The following MTO1 variants were observed in gnomAD, a reference collection of about 807,000 sequenced individuals.
The protein encoded by MTO1 is 5-taurinomethyluridine-[tRNA] synthase subunit MTO1, mitochondrial.
A neutral mutation model predicts 71.6 loss-of-function variants in MTO1; 46 were observed. The ratio of observed to expected loss-of-function variants is 0.64; its 90% CI spans 0.51 to 0.82. The LOEUF (loss-of-function observed/expected upper bound fraction) is 0.82. Among genes scored for constraint, MTO1 ranks in the 40% least tolerant of loss-of-function variants. MTO1 has a pLI of 0.00. For missense variants in MTO1, 773 were observed against 867.5 expected (o/e 0.89, Z 1.37); for synonymous variants, 297 against 312.1 (o/e 0.95, Z 0.51).
Position 73,502,382 on chromosome 6 carries a change from T to G in MTO1, c.*1647T>G, listed in dbSNP as rs1400052293. 1 of 151,996 alleles carries G rather than the reference T, an allele frequency of 6.6e-6. No individual in the cohort carries two copies. The highest frequency in any genetic ancestry group is 1.5e-5 in the Non-Finnish European group (1 of 68,032). 9.4% of individuals were successfully genotyped at this position (151,996 alleles called of 1,614,324 possible). ...TCGCTTGAACCCAGGAGGCAGAGGT[T>G]GCAGTGAGCTGAGATTGTGCCACTG... On this transcript the variant is annotated 3_prime_UTR_variant, in exon 12 of 12. Transcript: ENST00000498286.
rs1017903553 is a variant in MTO1 at position 73,508,605 on chromosome 6, G to A, written c.*7870G>A. 1 of 152,186 alleles carries A rather than the reference G, an allele frequency of 6.6e-6. No individual in the cohort carries two copies. Among genetic ancestry groups the A allele is most frequent in the African/African-American group, 2.4e-5 (1 of 41,448 alleles). 9.4% of individuals were successfully genotyped at this position (152,186 alleles called of 1,614,324 possible). A position where few individuals can be genotyped will look rare whatever the true frequency, so the allele number is the denominator to read the frequency against. On this transcript the variant is annotated 3_prime_UTR_variant, in exon 12 of 12. Coordinates refer to ENST00000498286, the MANE Select transcript of MTO1 (RefSeq NM_012123.4). ...GGAGGGCAGTTTAACTGAAAATTCA[G>A]AGGTATTATAGCTCTGAAGAAAAAT...
At chr6:73,481,920 CCTTAGGGGCAATA>C (rs1325763496) in intron 7 of MTO1, 107 bp from the exon 8 acceptor site, 1 of 994,266 alleles carries the variant, frequency 1.0e-6, no homozygotes, top group African/African-American at 1.6e-5. Context: ...CTATTATATC[CCTTAGGGGCAATA>C]CTTGCTTTCT....
chr6:73,467,614 AAAATAAAT>A (rs70996806), intron 3 of MTO1, among the ~76,000 whole-genome samples: 5 of 143,494 alleles, frequency 3.5e-5, no homozygotes, highest in East Asian at 4.1e-4. Context: ...ACTCTGTCTC[AAAATAAAT>A]AAATAAATAA....
At position 73,500,699 on chromosome 6, in the gene MTO1, A is replaced by C; in HGVS notation, c.2043A>C (p.Leu681Phe). ...MNESSKTDQY[L>F]CDADRLQERE... ...AATCATCCAAGACTGATCAATACTT[A>C]TGTGATGCAGACAGACTTCAAGAGA... is the stretch of plus-strand genomic sequence containing the variant. Residue 681 changes from leucine to phenylalanine, a missense_variant, in exon 12 of 12, where the codon TTA becomes TTC. By Grantham distance (22) the Leu-to-Phe change is conservative. Coordinates refer to ENST00000498286, the MANE Select transcript of MTO1 (RefSeq NM_012123.4). The C allele has an allele frequency of 1.2e-6, 2 of 1,607,248 alleles. No homozygotes were observed. Among genetic ancestry groups the C allele is most frequent in the Non-Finnish European group, 8.5e-7 (1 of 1,176,990 alleles).
At position 73,482,620 on chromosome 6, in the gene MTO1, G is replaced by C. The variant is rs181219800; in HGVS notation, c.1637G>C (p.Arg546Thr). 8.9e-5 allele frequency: 142 copies of C among 1,588,470 alleles called. 1 individual carries two copies. In the East Asian group the frequency reaches 3.1e-3, roughly 34 times the overall value. The change falls in exon 9 of 12, where the codon AGA becomes ACA. Residue 546 changes from arginine to threonine, a missense_variant and splice_region_variant. By Grantham distance (71) the Arg-to-Thr change is moderately conservative. Transcript: ENST00000498286. ...SISTSRSLPV[R>T]ALDVLKYEEV... Reference sequence around the variant, plus strand: ...AGTACTAGTAGAAGTCTGCCTGTCAGGTATGCATTTTTAATATAGACCTTT... The same window carrying C: ...AGTACTAGTAGAAGTCTGCCTGTCACGTATGCATTTTTAATATAGACCTTT...
chr6:73,476,790 ATT>A (rs879559677), intron 4 of MTO1, among the ~76,000 whole-genome samples: 10 of 142,872 alleles, frequency 7.0e-5, no homozygotes, highest in Admixed American at 7.1e-5. Flanking sequence ...TAAAATTTAA[ATT>A]TTTTTTTTTT....
intron 9 of MTO1, among the ~76,000 whole-genome samples, chr6:73,488,465 C>T (rs1771716061): frequency 1.3e-5 from 2 of 152,114 alleles, no homozygotes; most frequent in Non-Finnish European, 2.9e-5. Context: ...AGTCACCATG[C>T]CTCGCCAGAT....
intron 9 of MTO1, chr6:73,487,604 G>C (rs543981935): frequency 7.2e-6 from 1 of 138,858 alleles, no homozygotes; most frequent in Non-Finnish European, 1.5e-5. Context: ...ACAGGATCTC[G>C]CTATGTTTCC....
chr6:73,494,479 CT>C (rs757447983), intron 10 of MTO1, among the ~76,000 whole-genome samples: 24,462 of 135,892 alleles, frequency 0.18, 1,650 homozygotes, highest in Middle Eastern at 0.21. Flanking sequence ...CTTTTTTTTT[CT>C]TTTTTTTTTT....
At chr6:73,497,157 C>CTTTTTTTTTTTTTTTTTTTT (rs765385743) in intron 10 of MTO1, among the ~76,000 whole-genome samples, 1 of 92,718 alleles carries the variant, frequency 1.1e-5, no homozygotes, top group Non-Finnish European at 2.0e-5. Flanking sequence ...GAAGCAAATT[C>CTTTTTTTTTTTTTTTTTTTT]TTTTTTTTTT....
chr6:73,469,918 C>T (rs1395074278), intron 3 of MTO1, among the ~76,000 whole-genome samples: 1 of 151,676 alleles, frequency 6.6e-6, no homozygotes, highest in Non-Finnish European at 1.5e-5. Flanking sequence ...GGCAGGAGAA[C>T]CACTTGAACC....
chr6:73,478,831 G>A (rs573344398), intron 4 of MTO1, among the ~76,000 whole-genome samples: 25 of 150,386 alleles, frequency 1.7e-4, no homozygotes, highest in Admixed American at 7.3e-4. Context: ...CGTGAGCCAC[G>A]GCGCCCAGCC....
intron 1 of MTO1, among the ~76,000 whole-genome samples, chr6:73,463,531 G>A (rs1461500040): frequency 6.6e-6 from 1 of 152,080 alleles, no homozygotes; most frequent in Non-Finnish European, 1.5e-5. Flanking sequence ...TTAGGAGCGA[G>A]CAGTAATTAG....
At chr6:73,487,567 T>C (rs1200463074) in intron 9 of MTO1, 1 of 151,118 alleles carries the variant, frequency 6.6e-6, no homozygotes. Flanking sequence ...TTTTTTTTTT[T>C]TTTTTCTTAG....
intron 1 of MTO1, among the ~76,000 whole-genome samples, chr6:73,463,528 C>T (rs1375757708): frequency 1.3e-5 from 2 of 152,032 alleles, no homozygotes; most frequent in Admixed American, 1.3e-4. Context: ...TGCTTAGGAG[C>T]GAGCAGTAAT....
In MTO1 at chr6:73,461,809, C is replaced by G. The variant is rs767417572; in HGVS notation, c.-46C>G. ...TCTCTTGTTGCGTAAGTTTTTTTGA[C>G]CGTCACTCGTGTCAGCTTCAAAGTC... On this transcript the variant is annotated 5_prime_UTR_variant, in exon 1 of 12. Transcript: ENST00000498286. The G allele has an allele frequency of 6.3e-7, 1 of 1,581,720 alleles. No individual in the cohort carries two copies. Among genetic ancestry groups the G allele is most frequent in the South Asian group, 1.1e-5 (1 of 89,294 alleles).
At position 73,482,611 on chromosome 6, in the gene MTO1, T is replaced by G. The variant is rs1771538406; in HGVS notation, c.1628T>G (p.Leu543Arg). Reference protein sequence around the residue: ...PEASISTSRSLPVRALDVLKY... With the variant: ...PEASISTSRSRPVRALDVLKY... ...GCTTCTATAAGTACTAGTAGAAGTC[T>G]GCCTGTCAGGTATGCATTTTTAATA... Residue 543 changes from leucine to arginine, a missense_variant, in exon 9 of 12, where the codon CTG (leucine) becomes CGG (arginine). Coordinates refer to ENST00000498286, the MANE Select transcript of MTO1 (RefSeq NM_012123.4). 6.3e-7 allele frequency: 1 copy of G among 1,599,094 alleles called. No homozygotes were observed. The highest frequency in any genetic ancestry group is 1.8e-5 in the Admixed American group (1 of 55,430).
chr6:73,499,523 AAAAAAAAAAAAAG>A (rs1015779535), intron 11 of MTO1, among the ~76,000 whole-genome samples: 43 of 145,374 alleles, frequency 3.0e-4, no homozygotes, highest in African/African-American at 1.1e-3. Context: ...CCCTGTCTCA[AAAAAAAAAAAAAG>A]AAAAAAATTA....
intron 10 of MTO1, among the ~76,000 whole-genome samples, chr6:73,497,502 G>T (rs2150044845): frequency 6.6e-6 from 1 of 152,024 alleles, no homozygotes; most frequent in Non-Finnish European, 1.5e-5. Context: ...AAAAGGACAT[G>T]CACTAAACTA....
Sources: allele counts gnomAD v4.1 joint callset (sites outside exome capture counted in the v4.1 genomes callset), GRCh38; gene constraint gnomAD v4.1.1; transcripts MANE v1.5; gene names NCBI Gene and HGNC (gene_info 2026-07-23, HGNC 2026-07-21).